NRG3: variants seen among roughly 807,000 people sequenced by gnomAD.
NRG3 encodes the protein neuregulin 3, also known as pro-neuregulin-3, membrane-bound isoform.
In NRG3, 31 loss-of-function variants were observed where a neutral mutation model predicts 66.9. The observed-to-expected ratio is 0.46, with a 90% confidence interval of 0.35 to 0.63. The LOEUF is 0.63. NRG3 is among the 20% of genes least tolerant of loss of function. The probability of loss-of-function intolerance (pLI) is 0.00; values close to 1 mark genes in which losing one functional copy is unlikely to be tolerated. For missense variants in NRG3, 910 were observed against 878.9 expected, an observed-to-expected ratio of 1.04 and a Z score of -0.45; for synonymous variants, 393 against 359.4, an observed-to-expected ratio of 1.09 and a Z score of -1.06.
intron 1 of NRG3, among the ~76,000 whole-genome samples, chr10:82,218,634 C>G (rs1310742522): frequency 6.6e-6 from 1 of 152,180 alleles, no homozygotes; most frequent in Non-Finnish European, 1.5e-5. Flanking sequence ...CCTTTCTCTG[C>G]CTGAGCCCTC....
At chr10:81,911,856 A>G (rs747195957) in intron 1 of NRG3, among the ~76,000 whole-genome samples, 36 of 152,002 alleles carry the variant, frequency 2.4e-4, no homozygotes, top group Non-Finnish European at 4.4e-4. Flanking sequence ...AAAGAACCTA[A>G]ACAAGAACAG....
chr10:82,544,149 G>A (rs1194680666), intron 2 of NRG3, among the ~76,000 whole-genome samples: 3 of 152,132 alleles, frequency 2.0e-5, no homozygotes, highest in Non-Finnish European at 4.4e-5. Flanking sequence ...ATGAGATGAT[G>A]AGTTAAAAGT....
chr10:82,132,278 A>G (rs1360034902), intron 1 of NRG3, among the ~76,000 whole-genome samples: 3 of 151,142 alleles, frequency 2.0e-5, no homozygotes, highest in Non-Finnish European at 4.4e-5. Flanking sequence ...CATTTTCAAT[A>G]TCAATGGAAA....
chr10:82,146,446 G>A (rs2132708345), intron 1 of NRG3, among the ~76,000 whole-genome samples: 1 of 151,736 alleles, frequency 6.6e-6, no homozygotes, highest in Non-Finnish European at 1.5e-5. Context: ...GAGATTCTCA[G>A]GGCTCAGTCA....
At chr10:82,216,452 T>TATATA (rs1554851831) in intron 1 of NRG3, among the ~76,000 whole-genome samples, 9 of 143,418 alleles carry the variant, frequency 6.3e-5, no homozygotes, top group African/African-American at 2.5e-4. Context: ...AAAATACATT[T>TATATA]TATATATATG....
chr10:82,527,889 A>C (rs1846871584), intron 2 of NRG3, among the ~76,000 whole-genome samples: 1 of 151,022 alleles, frequency 6.6e-6, no homozygotes, highest in Non-Finnish European at 1.5e-5. Flanking sequence ...AAATTGTCTC[A>C]ACCTAGATGC....
At chr10:81,905,593 A>T (rs1003567391) in intron 1 of NRG3, among the ~76,000 whole-genome samples, 2 of 152,216 alleles carry the variant, frequency 1.3e-5, no homozygotes, top group Admixed American at 6.5e-5. Flanking sequence ...ATAACTTGAG[A>T]GACCTGGACC....
At position 82,192,238 on chromosome 10, in the gene NRG3, A is replaced by C. The variant is rs530528509; in HGVS notation, c.824-166501A>C. On this transcript the variant is annotated intron_variant, in intron 1 of 8. Coordinates refer to ENST00000372141, the MANE Select transcript of NRG3 (RefSeq NM_001010848.4). ...ACAATTGCAATTATCACCATTATGCAGTATGTTCAATTGTACAATCAATGT... is the reference window on the plus strand; with the variant it reads ...ACAATTGCAATTATCACCATTATGCCGTATGTTCAATTGTACAATCAATGT... Among the ~76,000 whole-genome samples, 135 of 152,308 alleles carry C rather than the reference A, an allele frequency of 8.9e-4. 1 individual carries two copies. Among genetic ancestry groups the C allele is most frequent in the African/African-American group, 3.2e-3 (131 of 41,574 alleles).
chr10:82,222,528 A>G (rs115091397), intron 1 of NRG3, among the ~76,000 whole-genome samples: 2,632 of 152,282 alleles, frequency 0.017, 81 homozygotes, highest in African/African-American at 0.061. Flanking sequence ...AGACATTGCC[A>G]GAGGCCAAAT....
At position 82,507,946 on chromosome 10, in the gene NRG3, A is replaced by G. The variant is rs539739553; in HGVS notation, c.953+149078A>G. ...GACAAAGGATTTTACTATGGAAAAC[A>G]TTGTCAAATCATGGTACCTTGCCTA... On this transcript the variant is annotated intron_variant, in intron 2 of 8. Transcript: ENST00000372141. Among the ~76,000 whole-genome samples the G allele has an allele frequency of 3.3e-5, 5 of 152,348 alleles. No individual in the cohort carries two copies. The East Asian group carries it at 9.6e-4, about 29-fold the overall frequency.
At chr10:81,927,969 G>A (rs1846972165) in intron 1 of NRG3, among the ~76,000 whole-genome samples, 2 of 152,216 alleles carry the variant, frequency 1.3e-5, no homozygotes, top group Admixed American at 6.5e-5. Flanking sequence ...ATAAATCTAA[G>A]TGACTTTTAT....
At chr10:82,393,175 C>T (rs547545717) in intron 2 of NRG3, among the ~76,000 whole-genome samples, 4 of 152,130 alleles carry the variant, frequency 2.6e-5, no homozygotes, top group South Asian at 2.1e-4. Flanking sequence ...AGCTGTCAGT[C>T]GGAGGGGATA....
chr10:82,480,046 A>G (rs1842131365), intron 2 of NRG3, among the ~76,000 whole-genome samples: 1 of 152,248 alleles, frequency 6.6e-6, no homozygotes, highest in Non-Finnish European at 1.5e-5. Flanking sequence ...CTAAGAAAGA[A>G]TGCCTAATGT....
At chr10:82,312,730 C>A (rs2081094362) in intron 1 of NRG3, among the ~76,000 whole-genome samples, 1 of 151,990 alleles carries the variant, frequency 6.6e-6, no homozygotes, top group South Asian at 2.1e-4. Context: ...AGTAAAAAAT[C>A]TCTTTAGCAA....
At chr10:82,379,910 C>CAAAAAAAAAAAAAAA (rs11423046) in intron 2 of NRG3, among the ~76,000 whole-genome samples, 1 of 78,562 alleles carries the variant, frequency 1.3e-5, no homozygotes, top group Non-Finnish European at 2.8e-5. Flanking sequence ...ATGAACAATC[C>CAAAAAAAAAAAAAAA]AAAAAAAAAA....
chr10:82,236,215 C>T (rs2076746102), intron 1 of NRG3, among the ~76,000 whole-genome samples: 1 of 152,170 alleles, frequency 6.6e-6, no homozygotes, highest in Admixed American at 6.5e-5. Context: ...TAGCTAATCA[C>T]AGCCACCTTC....
intron 2 of NRG3, among the ~76,000 whole-genome samples, chr10:82,456,980 G>A (rs754300213): frequency 9.2e-5 from 14 of 152,062 alleles, no homozygotes; most frequent in African/African-American, 2.7e-4. Context: ...TCCTTGGAAT[G>A]CCTGCGATCA....
At chr10:82,940,961 C>G (rs763189275) in intron 4 of NRG3, among the ~76,000 whole-genome samples, 1 of 152,156 alleles carries the variant, frequency 6.6e-6, no homozygotes, top group Non-Finnish European at 1.5e-5. Flanking sequence ...GTCATTACTT[C>G]AACATCTTTT....
At chr10:82,706,456 T>C (rs2056294547) in intron 2 of NRG3, among the ~76,000 whole-genome samples, 1 of 152,194 alleles carries the variant, frequency 6.6e-6, no homozygotes, top group South Asian at 2.1e-4. Flanking sequence ...ACAAAAATCA[T>C]AGGCAACGTT....
Sources: allele counts gnomAD v4.1 joint callset (sites outside exome capture counted in the v4.1 genomes callset), GRCh38; gene constraint gnomAD v4.1.1; transcripts MANE v1.5; gene names NCBI Gene and HGNC (gene_info 2026-07-23, HGNC 2026-07-21).